Variants in COL22A1 observed in about 807,000 individuals in gnomAD.
COL22A1 encodes collagen alpha-1(XXII) chain.
A neutral mutation model predicts 248.9 loss-of-function variants in COL22A1; 221 were observed. The observed-to-expected ratio is 0.89, with a 90% CI of 0.80 to 0.99. The LOEUF is 0.99. Among genes scored for constraint, COL22A1 ranks in the 50% least tolerant of loss-of-function variants. The pLI, the probability that COL22A1 is intolerant of heterozygous loss-of-function variation, is 0.00. For missense variants in COL22A1, 2,240 were observed against 2,179.0 expected (o/e 1.03, Z -0.56); for synonymous variants, 891 against 793.4 (o/e 1.12, Z -2.07).
chr8:138,877,846 T>A lies in COL22A1; in HGVS notation c.562A>T (p.Ile188Phe), dbSNP rs1563876074. 9.9e-6 allele frequency: 16 copies of A among 1,613,430 alleles called. No homozygotes were observed. Among genetic ancestry groups the A allele is most frequent in the Non-Finnish European group, 1.4e-5 (16 of 1,179,780 alleles). ...TGGGCGGACTTGGGCTCTGAGGCGA[T>A]CTCCTCCAGCTCCTCCTTGAGTGCC... is the stretch of plus-strand genomic sequence containing the variant. ...GEALKEELEE[I>F]ASEPKSAHVF... Residue 188 changes from isoleucine to phenylalanine, a missense_variant, in exon 3 of 65, where the codon ATC (isoleucine) becomes TTC (phenylalanine). Transcript: ENST00000303045.
intron 33 of COL22A1, 125 bp from the exon 34 acceptor site, chr8:138,694,686 GA>G: frequency 7.4e-7 from 1 of 1,360,394 alleles, no homozygotes; most frequent in Non-Finnish European, 1.0e-6. Flanking sequence ...CTAGCGTCCT[GA>G]GGAGAAGAAA....
chr8:138,617,401 G>T (rs1819428198), intron 53 of COL22A1, among the ~76,000 whole-genome samples: 1 of 152,076 alleles, frequency 6.6e-6, no homozygotes, highest in Non-Finnish European at 1.5e-5. Context: ...TGTGGCCATT[G>T]CTGGTCCTAC....
At chr8:138,838,670 CAAAA>C (rs58257635) in intron 4 of COL22A1, among the ~76,000 whole-genome samples, 1 of 133,814 alleles carries the variant, frequency 7.5e-6, no homozygotes. Context: ...CAAAGGGCAC[CAAAA>C]AAAAAAAAAG....
chr8:138,676,671 T>C lies in COL22A1; in HGVS notation c.3073-36A>G, dbSNP rs1825582817. 4 of 1,441,096 alleles carry C rather than the reference T, an allele frequency of 2.8e-6. No individual in the cohort carries two copies. The East Asian group carries it at 9.9e-5, about 36-fold the overall frequency. The allele number at this position is 1,441,096 out of a possible 1,614,324, so 89.3% of individuals were successfully genotyped here. ...AGAAAAATAAGATCAAGGAGGTCAGTGCCAGGAAGGAGAGGGCTAGGGTAC... is the reference window on the plus strand; with the variant it reads ...AGAAAAATAAGATCAAGGAGGTCAGCGCCAGGAAGGAGAGGGCTAGGGTAC... On this transcript the variant is annotated intron_variant, in intron 40 of 64. Transcript: ENST00000303045.
chr8:138,779,142 G>T (rs1460223232), intron 14 of COL22A1, among the ~76,000 whole-genome samples: 1 of 152,072 alleles, frequency 6.6e-6, no homozygotes, highest in African/African-American at 2.4e-5. Context: ...ATAAATAGGG[G>T]AATGTTATAT....
intron 11 of COL22A1, among the ~76,000 whole-genome samples, chr8:138,797,079 C>T (rs1026118962): frequency 1.4e-4 from 21 of 152,286 alleles, no homozygotes; most frequent in African/African-American, 4.6e-4. Flanking sequence ...AGTTACTATT[C>T]TTTGTTTCCA....
At chr8:138,903,735 C>T (rs115714318) in intron 1 of COL22A1, among the ~76,000 whole-genome samples, 2 of 152,320 alleles carry the variant, frequency 1.3e-5, no homozygotes, top group African/African-American at 4.8e-5. Context: ...GAAGAATACC[C>T]TGCTTTTTCA....
chr8:138,595,483 A>T (rs907062556), intron 62 of COL22A1, among the ~76,000 whole-genome samples: 8 of 152,098 alleles, frequency 5.3e-5, no homozygotes, highest in African/African-American at 1.4e-4. Flanking sequence ...GAACTCAGAG[A>T]TCTACACACA....
chr8:138,791,274 C>T (rs1816009349), intron 12 of COL22A1, among the ~76,000 whole-genome samples: 1 of 152,158 alleles, frequency 6.6e-6, no homozygotes, highest in African/African-American at 2.4e-5. Flanking sequence ...GAATCAATAA[C>T]AGGAAGGCAG....
chr8:138,685,233 G>A lies in COL22A1; in HGVS notation c.2942C>T (p.Pro981Leu), dbSNP rs147652826. Reference protein sequence around the residue: ...DPGAPGLPGPPGKGKDGEPGL... With the variant: ...DPGAPGLPGPLGKGKDGEPGL... ...CGGCTCTCCATCCTTCCCTTTTCCG[G>A]GTGGCCCAGGGAGCCCAGGAGCACC... The change falls in exon 38 of 65, where the codon CCC becomes CTC. Residue 981 changes from proline to leucine, a missense_variant. Physicochemically the swap from Pro to Leu is moderately conservative, Grantham distance 98. Coordinates refer to ENST00000303045, the MANE Select transcript of COL22A1 (RefSeq NM_152888.3). 2.2e-4 allele frequency: 352 copies of A among 1,612,990 alleles called. No individual in the cohort carries two copies. The African/African-American group carries it at 3.7e-3, about 17-fold the overall frequency.
chr8:138,591,477 G>C lies in COL22A1; in HGVS notation c.4640C>G (p.Pro1547Arg). The C allele has an allele frequency of 1.3e-6, 2 of 1,574,804 alleles. No homozygotes were observed. The highest frequency in any genetic ancestry group is 8.6e-7 in the Non-Finnish European group (1 of 1,159,944). ...TCGGAGGCCAACTCCAGGTGCACCT[G>C]GGTCACCTTTGGCTCCTCGCTCACC... ...PKGERGAKGD[P>R]GAPGVGLRGE... The change falls in exon 64 of 65, where the codon CCA becomes CGA. Residue 1547 changes from proline to arginine, a missense_variant. By Grantham distance (103) the Pro-to-Arg change is moderately radical. Transcript: ENST00000303045.
rs374646042 is a variant in COL22A1, at chr8:138,821,092, C to T, written c.1245+44G>A. 159 of 1,597,578 alleles carry T rather than the reference C, an allele frequency of 1.0e-4. 1 individual carries two copies. Among genetic ancestry groups the T allele is most frequent in the African/African-American group, 7.5e-4 (56 of 74,616 alleles). On this transcript the variant is annotated intron_variant, in intron 7 of 64. Coordinates refer to ENST00000303045, the MANE Select transcript of COL22A1 (RefSeq NM_152888.3). ...GCACTTAGCTCCCAAGGCTTCTCCC[C>T]GGTGGCCTGGAACCTGGGCTGCAGA...
chr8:138,855,951 A>G (rs1190731713), intron 3 of COL22A1, among the ~76,000 whole-genome samples: 2 of 152,208 alleles, frequency 1.3e-5, no homozygotes, highest in African/African-American at 2.4e-5. Flanking sequence ...AGCCATGCAC[A>G]GCTCAGGCTG....
chr8:138,863,976 T>C (rs1029045915), intron 3 of COL22A1, among the ~76,000 whole-genome samples: 1 of 152,094 alleles, frequency 6.6e-6, no homozygotes, highest in African/African-American at 2.4e-5. Flanking sequence ...TTCTTTCAAT[T>C]CCATTTTGTT....
At position 138,684,667 on chromosome 8, in the gene COL22A1, A is replaced by G. The variant is rs189376661; in HGVS notation, c.2968-198T>C. On this transcript the variant is annotated intron_variant, in intron 38 of 64. Coordinates refer to ENST00000303045, the MANE Select transcript of COL22A1 (RefSeq NM_152888.3). Reference sequence around the variant, plus strand: ...GATGTGAATTCCGACTCTGCCTCCTACTGTCTCTGTGTGGCCTTCAGGAAA... The same window carrying G: ...GATGTGAATTCCGACTCTGCCTCCTGCTGTCTCTGTGTGGCCTTCAGGAAA... 3.2e-4 allele frequency among the ~76,000 whole-genome samples: 49 copies of G among 152,122 alleles called. No individual in the cohort carries two copies. The East Asian group carries it at 7.7e-3, about 24-fold the overall frequency.
intron 22 of COL22A1, among the ~76,000 whole-genome samples, chr8:138,750,216 G>A (rs946200851): frequency 6.6e-6 from 1 of 152,164 alleles, no homozygotes; most frequent in African/African-American, 2.4e-5. Flanking sequence ...AAATTGCCCA[G>A]TCTCGGGTAT....
chr8:138,740,087 G>A (rs2131272039), intron 22 of COL22A1, among the ~76,000 whole-genome samples: 1 of 152,294 alleles, frequency 6.6e-6, no homozygotes, highest in South Asian at 2.1e-4. Flanking sequence ...TCAGGGAAAG[G>A]AAACCAGACA....
At chr8:138,890,618 T>C (rs1028367986) in intron 1 of COL22A1, among the ~76,000 whole-genome samples, 4 of 152,120 alleles carry the variant, frequency 2.6e-5, no homozygotes, top group Non-Finnish European at 5.9e-5. Flanking sequence ...CAGCTACGGA[T>C]GGCATGATCG....
At chr8:138,858,033 C>G (rs1296404682) in intron 3 of COL22A1, among the ~76,000 whole-genome samples, 6 of 152,218 alleles carry the variant, frequency 3.9e-5, no homozygotes, top group Admixed American at 3.9e-4. Context: ...AACCTTTGAC[C>G]CAAGGTCATG....
Sources: allele counts gnomAD v4.1 joint callset (sites outside exome capture counted in the v4.1 genomes callset), GRCh38; gene constraint gnomAD v4.1.1; transcripts MANE v1.5; gene names NCBI Gene and HGNC (gene_info 2026-07-23, HGNC 2026-07-21).